KIAA1958: variants seen among roughly 807,000 people sequenced by gnomAD.
KIAA1958 encodes uncharacterized protein KIAA1958.
In KIAA1958, 14 loss-of-function variants were observed where a neutral mutation model predicts 47.2. The ratio of observed to expected loss-of-function variants is 0.30; its 90% CI spans 0.20 to 0.46. KIAA1958 has a LOEUF of 0.46. Among genes scored for constraint, KIAA1958 ranks in the 20% least tolerant of loss-of-function variants. The pLI is 1.00. For synonymous variants in KIAA1958, 354 were observed against 353.3 expected, an observed-to-expected ratio of 1.00 and a Z score of -0.02; for missense variants, 803 against 909.2, an observed-to-expected ratio of 0.88 and a Z score of 1.50.
At chr9:112,612,979 C>G (rs933063296) in intron 2 of KIAA1958, among the ~76,000 whole-genome samples, 6 of 152,118 alleles carry the variant, frequency 3.9e-5, no homozygotes, top group Non-Finnish European at 8.8e-5. Flanking sequence ...GGCGCTATCT[C>G]TAATACATAG....
chr9:112,657,317 A>G (rs1479066107), intron 3 of KIAA1958, among the ~76,000 whole-genome samples: 4 of 151,770 alleles, frequency 2.6e-5, no homozygotes, highest in Admixed American at 2.6e-4. Context: ...CTGGTCTTAA[A>G]CTGACCTCAA....
At chr9:112,506,324 C>T (rs548941379) in intron 1 of KIAA1958, among the ~76,000 whole-genome samples, 8 of 152,114 alleles carry the variant, frequency 5.3e-5, no homozygotes, top group East Asian at 3.9e-4. Flanking sequence ...GGCGTGTTGG[C>T]GGGCGCCTGT....
intron 1 of KIAA1958, among the ~76,000 whole-genome samples, chr9:112,496,048 C>T (rs534449659): frequency 6.6e-6 from 1 of 152,230 alleles, no homozygotes; most frequent in African/African-American, 2.4e-5. Flanking sequence ...CTAAAAGTAG[C>T]CATGTGAACA....
At chr9:112,646,817 A>G (rs542757050) in intron 3 of KIAA1958, among the ~76,000 whole-genome samples, 1 of 152,356 alleles carries the variant, frequency 6.6e-6, no homozygotes, top group South Asian at 2.1e-4. Context: ...ATCGAAGGAA[A>G]AAATCTTGGA....
At chr9:112,494,073 T>C (rs1262862699) in intron 1 of KIAA1958, among the ~76,000 whole-genome samples, 2 of 152,230 alleles carry the variant, frequency 1.3e-5, no homozygotes, top group African/African-American at 4.8e-5. Context: ...TGCTGAGTCA[T>C]ATTCTATTCT....
intron 1 of KIAA1958, among the ~76,000 whole-genome samples, chr9:112,488,366 T>C (rs1323884990): frequency 1.3e-5 from 2 of 152,250 alleles, no homozygotes; most frequent in African/African-American, 4.8e-5. Context: ...GCTAAGTTTC[T>C]TCATGAACGG....
intron 1 of KIAA1958, among the ~76,000 whole-genome samples, chr9:112,511,656 C>T (rs1834327731): frequency 6.6e-6 from 1 of 151,998 alleles, no homozygotes; most frequent in African/African-American, 2.4e-5. Flanking sequence ...CAGCAAATGA[C>T]ACCAAAGAAA....
chr9:112,597,566 C>CT (rs1295725205), intron 2 of KIAA1958, among the ~76,000 whole-genome samples: 1 of 152,208 alleles, frequency 6.6e-6, no homozygotes, highest in Non-Finnish European at 1.5e-5. Context: ...CCTGAGTTTG[C>CT]TTTATTCCTC....
At chr9:112,543,567 C>CTTTTT (rs138422704) in intron 1 of KIAA1958, among the ~76,000 whole-genome samples, 1 of 108,182 alleles carries the variant, frequency 9.2e-6, no homozygotes, top group East Asian at 2.6e-4. Flanking sequence ...TTCTGAGCTT[C>CTTTTT]TTTTTTTTTT....
chr9:112,564,654 A>G (rs1201913730), intron 1 of KIAA1958, among the ~76,000 whole-genome samples: 4 of 152,224 alleles, frequency 2.6e-5, no homozygotes, highest in Non-Finnish European at 4.4e-5. Flanking sequence ...AGTTTTTATT[A>G]TAATGCTACT....
intron 2 of KIAA1958, among the ~76,000 whole-genome samples, chr9:112,610,828 C>T (rs1485716517): frequency 2.6e-5 from 4 of 152,028 alleles, no homozygotes; most frequent in Non-Finnish European, 5.9e-5. Context: ...CTTATGAATA[C>T]CAGTGCAGAA....
At chr9:112,499,850 G>T (rs921253511) in intron 1 of KIAA1958, among the ~76,000 whole-genome samples, 1 of 150,660 alleles carries the variant, frequency 6.6e-6, no homozygotes, top group African/African-American at 2.4e-5. Context: ...CACCACGCCC[G>T]GCTAATTTTT....
rs1373377129 is a variant in KIAA1958 at position 112,546,772 on chromosome 9, T to C, written c.-24-27285T>C. Among the ~76,000 whole-genome samples the C allele has an allele frequency of 3.9e-5, 6 of 152,134 alleles. No individual in the cohort carries two copies. The East Asian group carries it at 1.2e-3, about 29-fold the overall frequency. ...ATGTCCTCTCTTACCTGGAATACTC[T>C]CACTCTCTCTGCCCTGTGTAATTTA... On this transcript the variant is annotated intron_variant, in intron 1 of 3. Coordinates refer to ENST00000337530, the MANE Select transcript of KIAA1958 (RefSeq NM_133465.4).
chr9:112,537,107 C>A (rs1018875532), intron 1 of KIAA1958, among the ~76,000 whole-genome samples: 4 of 140,284 alleles, frequency 2.9e-5, no homozygotes, highest in African/African-American at 1.0e-4. Flanking sequence ...CTTCTCTTTT[C>A]TTTTCTTTCT....
chr9:112,538,801 T>G (rs1834895574), intron 1 of KIAA1958, among the ~76,000 whole-genome samples: 1 of 152,188 alleles, frequency 6.6e-6, no homozygotes, highest in Non-Finnish European at 1.5e-5. Flanking sequence ...TATCTGAGAT[T>G]TATTGGGTGC....
intron 1 of KIAA1958, among the ~76,000 whole-genome samples, chr9:112,542,940 A>G (rs58520970): frequency 0.11 from 17,206 of 152,266 alleles, 1,393 homozygotes; most frequent in East Asian, 0.19. Context: ...AGTTTAGTGT[A>G]GTTACCATGT....
chr9:112,578,695 C>T (rs1332105908), intron 2 of KIAA1958, among the ~76,000 whole-genome samples: 1 of 152,022 alleles, frequency 6.6e-6, no homozygotes, highest in Non-Finnish European at 1.5e-5. Context: ...CATGTCAATC[C>T]TGCCATACTG....
rs1837353652 is a variant in KIAA1958 at position 112,666,575 on chromosome 9, C to A, written c.*6506C>A. The A allele has an allele frequency of 6.6e-6, 1 of 152,124 alleles. No individual in the cohort carries two copies. Among genetic ancestry groups the A allele is most frequent in the Non-Finnish European group, 1.5e-5 (1 of 68,018 alleles). 9.4% of individuals were successfully genotyped at this position (152,124 alleles called of 1,614,324 possible). ...GAAGACCCTAGTGAGCTTCTTGTAC[C>A]TTCCCAGAAAAACCCAGAAGAAGGC... On this transcript the variant is annotated 3_prime_UTR_variant, in exon 4 of 4. Transcript: ENST00000337530.
chr9:112,518,268 C>G (rs1471693723), intron 1 of KIAA1958, among the ~76,000 whole-genome samples: 1 of 152,156 alleles, frequency 6.6e-6, no homozygotes, highest in Non-Finnish European at 1.5e-5. Context: ...CTTGTATGTA[C>G]ATGAGTGTTC....
Sources: gnomAD v4.1 joint callset for allele counts (sites outside exome capture counted in the v4.1 genomes callset) on GRCh38, gnomAD v4.1.1 for gene constraint, MANE v1.5 for transcripts, NCBI Gene and HGNC (gene_info 2026-07-23, HGNC 2026-07-21) for gene names.